IL17B: variants seen among roughly 807,000 people sequenced by gnomAD.
IL17B encodes the protein interleukin-17B.
In IL17B, 14 loss-of-function variants were observed where a neutral mutation model predicts 14.7. The ratio of observed to expected loss-of-function variants is 0.95; its 90% CI spans 0.63 to 1.49. The LOEUF (loss-of-function observed/expected upper bound fraction) is 1.49. Among genes scored for constraint, IL17B ranks in the 40% most tolerant of loss-of-function variants. The pLI, the probability that IL17B is intolerant of heterozygous loss-of-function variation, is 0.00. For missense variants in IL17B, 233 were observed against 252.8 expected (o/e 0.92, Z 0.53); for synonymous variants, 105 against 94.8 (o/e 1.11, Z -0.62).
In IL17B at chr5:149,374,450, G is replaced by A. The variant is rs775703909; in HGVS notation, c.462C>T (p.Cys154=). The change falls in exon 3 of 3, where the codon TGC becomes TGT. Residue 154 remains cysteine, a synonymous_variant. Coordinates refer to ENST00000261796, the MANE Select transcript of IL17B (RefSeq NM_014443.3). The surrounding 1 kb of genome is among the most constrained non-coding windows in gnomAD (Gnocchi z 5.0). ...AAGGCCCTGTGCGGGGCGGTGGCGG[G>A]CAGAGGCGGCGGCGCACAGGAACCT... is the stretch of plus-strand genomic sequence containing the variant. ...FSQVPVRRRL[C]PPPPRTGPCR... 3.1e-6 allele frequency: 5 copies of A among 1,610,908 alleles called. No homozygotes were observed. The highest frequency in any genetic ancestry group is 1.7e-5 in the Admixed American group (1 of 59,998).
At chr5:149,384,736 TC>T (rs1758785129) in intron 1 of IL17B, among the ~76,000 whole-genome samples, 1 of 152,108 alleles carries the variant, frequency 6.6e-6, no homozygotes, top group Admixed American at 6.5e-5. Flanking sequence ...ACAGAGCAAT[TC>T]TAGTCAGCTC....
chr5:149,380,671 G>A (rs1758670782), upstream of IL17B, among the ~76,000 whole-genome samples: 2 of 152,242 alleles, frequency 1.3e-5, no homozygotes, highest in South Asian at 4.1e-4. Flanking sequence ...GGGAGGGAAT[G>A]TGAGGAGGAC....
upstream of IL17B, among the ~76,000 whole-genome samples, chr5:149,382,647 C>T (rs1276430288): frequency 1.3e-5 from 2 of 152,354 alleles, no homozygotes; most frequent in East Asian, 3.9e-4. Context: ...GCACACACTG[C>T]TCCCTGCGGT....
At chr5:149,390,939 C>T (rs956583120) in intron 1 of IL17B, among the ~76,000 whole-genome samples, 2 of 151,816 alleles carry the variant, frequency 1.3e-5, no homozygotes, top group Non-Finnish European at 2.9e-5. Flanking sequence ...ACCCCTGGAC[C>T]AGGATTTTGG....
intron 1 of IL17B, among the ~76,000 whole-genome samples, chr5:149,398,495 C>T (rs896280701): frequency 5.3e-5 from 8 of 152,196 alleles, no homozygotes; most frequent in Non-Finnish European, 1.0e-4. Context: ...ACAGACACAG[C>T]CCTTACAGAG....
rs1423263765 is a variant in IL17B at position 149,374,379 on chromosome 5, C to T, written c.533G>A (p.Cys178Tyr). Residue 178 changes from cysteine (C) to tyrosine (Y), a missense_variant, in exon 3 of 3, where the codon TGC becomes TAC. By Grantham distance (194) the Cys-to-Tyr change is radical. Coordinates refer to ENST00000261796, the MANE Select transcript of IL17B (RefSeq NM_014443.3). The surrounding 1 kb of genome is among the most constrained non-coding windows in gnomAD (Gnocchi z 5.0). Reference protein sequence around the residue: ...VMETIAVGCTCIF With the variant: ...VMETIAVGCTYIF ...TCTGGGCCAGGTGATTCAGAAGATG[C>T]AGGTGCAGCCCACAGCGATGGTCTC... 6.4e-7 allele frequency: 1 copy of T among 1,571,172 alleles called. No homozygotes were observed.
chr5:149,374,347 C>T lies in IL17B; in HGVS notation c.*22G>A. ...AAGGAGGATGGTCTCGGGCTGCTGG[C>T]CTGGCTTCTGGGCCAGGTGATTCAG... On this transcript the variant is annotated 3_prime_UTR_variant, in exon 3 of 3. Coordinates refer to ENST00000261796, the MANE Select transcript of IL17B (RefSeq NM_014443.3). This position sits in a 1 kb window ranked among gnomAD's most constrained non-coding sequence, Gnocchi z 5.0. 6.5e-7 allele frequency: 1 copy of T among 1,543,730 alleles called. No individual in the cohort carries two copies. The highest frequency in any genetic ancestry group is 8.7e-7 in the Non-Finnish European group (1 of 1,144,214).
At chr5:149,402,689 T>TAAAAAA (rs370816490) in intron 1 of IL17B, among the ~76,000 whole-genome samples, 8 of 139,182 alleles carry the variant, frequency 5.7e-5, no homozygotes, top group African/African-American at 2.2e-4. Flanking sequence ...ACCATGCTTT[T>TAAAAAA]AAAAAAAAAA....
rs1438431060 is a variant in IL17B at position 149,374,491 on chromosome 5, C to T, written c.421G>A (p.Val141Met). Residue 141 changes from valine to methionine, a missense_variant, in exon 3 of 3, where the codon GTG becomes ATG. Val to Met is a conservative substitution (Grantham distance 21). Transcript: ENST00000261796. The surrounding 1 kb of genome is among the most constrained non-coding windows in gnomAD (Gnocchi z 5.0). ...TMQEDRSMVS[V>M]PVFSQVPVRR... is the part of the protein sequence containing the mutation. ...ACAGGAACCTGGCTGAACACCGGCA[C>T]GCTCACCATGCTGCGGTCCTCCTGC... 6.2e-6 allele frequency: 10 copies of T among 1,613,074 alleles called. No homozygotes were observed. In the Admixed American group the frequency reaches 6.7e-5, roughly 11 times the overall value.
chr5:149,400,853 T>C (rs547664992), intron 1 of IL17B, among the ~76,000 whole-genome samples: 1 of 152,138 alleles, frequency 6.6e-6, no homozygotes, highest in East Asian at 1.9e-4. Context: ...GGAGCTCTGA[T>C]GTCTGAAGCC....
upstream of IL17B, among the ~76,000 whole-genome samples, chr5:149,383,973 G>A (rs551674753): frequency 2.6e-5 from 4 of 152,316 alleles, no homozygotes; most frequent in Non-Finnish European, 5.9e-5. Flanking sequence ...ACTCTACACT[G>A]TACCAAGTCT....
intron 1 of IL17B, among the ~76,000 whole-genome samples, chr5:149,396,400 C>T (rs917298476): frequency 6.6e-6 from 1 of 152,158 alleles, no homozygotes; most frequent in South Asian, 2.1e-4. Context: ...GAAGCATGTG[C>T]TAGGTATTCT....
At chr5:149,390,071 T>C (rs1453174164) in intron 1 of IL17B, among the ~76,000 whole-genome samples, 1 of 152,198 alleles carries the variant, frequency 6.6e-6, no homozygotes, top group Admixed American at 6.5e-5. Context: ...TTGGAAATCA[T>C]TTCTAATAAC....
intron 2 of IL17B, among the ~76,000 whole-genome samples, chr5:149,375,747 A>C (rs1758512115): frequency 6.6e-6 from 1 of 152,110 alleles, no homozygotes; most frequent in Admixed American, 6.5e-5. Flanking sequence ...AAAATCAGCC[A>C]GGTATGCCTG....
intron 1 of IL17B, among the ~76,000 whole-genome samples, chr5:149,398,589 G>A (rs995310406): frequency 8.5e-5 from 13 of 152,290 alleles, no homozygotes; most frequent in East Asian, 5.8e-4. Flanking sequence ...AGACATACCC[G>A]AGACTGGGCA....
chr5:149,374,754 TC>T lies in IL17B; in HGVS notation c.312-155del. 1.7e-6 allele frequency: 1 copy of T among 600,366 alleles called. No homozygotes were observed. Among genetic ancestry groups the T allele is most frequent in the Non-Finnish European group, 2.9e-6 (1 of 346,836 alleles). 37.2% of individuals were successfully genotyped at this position (600,366 alleles called of 1,614,324 possible). Reference sequence around the variant, plus strand: ...GGAAAGGCAGTAATCAACTCCATGTTCCACGTGAGGAAACTGAAGATCATGG... The same window carrying T: ...GGAAAGGCAGTAATCAACTCCATGTTCACGTGAGGAAACTGAAGATCATGG... On this transcript the variant is annotated intron_variant, in intron 2 of 2. Coordinates refer to ENST00000261796, the MANE Select transcript of IL17B (RefSeq NM_014443.3). The surrounding 1 kb of genome is among the most constrained non-coding windows in gnomAD (Gnocchi z 5.0).
intron 1 of IL17B, among the ~76,000 whole-genome samples, chr5:149,402,999 T>C (rs1434470845): frequency 2.6e-5 from 2 of 76,314 alleles, no homozygotes; most frequent in Non-Finnish European, 4.8e-5. Flanking sequence ...TGAGACTCCA[T>C]CTCAAAAAAA....
chr5:149,392,614 A>C (rs1262507187), intron 1 of IL17B, among the ~76,000 whole-genome samples: 2 of 152,120 alleles, frequency 1.3e-5, no homozygotes, highest in Non-Finnish European at 2.9e-5. Context: ...TTCTCTGGGG[A>C]GGGGAATGGG....
chr5:149,382,686 G>C (rs987101569), upstream of IL17B, among the ~76,000 whole-genome samples: 1 of 152,238 alleles, frequency 6.6e-6, no homozygotes, highest in South Asian at 2.1e-4. Flanking sequence ...GCAGCCAGGG[G>C]TGGAGGGGGA....
Sources: gnomAD v4.1 joint callset for allele counts (sites outside exome capture counted in the v4.1 genomes callset) on GRCh38, gnomAD v4.1.1 for gene constraint, Gnocchi (gnomAD v3.1) non-coding constraint, MANE v1.5 for transcripts, NCBI Gene and HGNC (gene_info 2026-07-23, HGNC 2026-07-21) for gene names.